The following HHAT variants were observed in gnomAD, a reference collection of about 807,000 sequenced individuals.
HHAT encodes protein-cysteine N-palmitoyltransferase HHAT.
HHAT carries 47 observed loss-of-function variants against 70.8 expected under a neutral mutation model. That is an observed-to-expected ratio of 0.66 (90% CI 0.53 to 0.85). The LOEUF (loss-of-function observed/expected upper bound fraction) is 0.85, where lower values mean the gene tolerates loss of function less well. Ranked by LOEUF, HHAT falls within the 40% of genes least tolerant of loss-of-function variation. The pLI, the probability that HHAT is intolerant of heterozygous loss-of-function variation, is 0.00. For missense variants in HHAT, 609 were observed against 604.8 expected, an observed-to-expected ratio of 1.01 and a Z score of -0.07; for synonymous variants, 228 against 247.6, an observed-to-expected ratio of 0.92 and a Z score of 0.74.
intron 3 of HHAT, 30 bp from the exon 4 acceptor site, chr1:210,387,438 C>T (rs767654034): frequency 8.8e-5 from 138 of 1,560,848 alleles, no homozygotes; most frequent in Non-Finnish European, 1.1e-4. Flanking sequence ...GTACTGAAAT[C>T]CCTCTGATAA....
At chr1:210,577,464 A>C (rs1160281613) in intron 9 of HHAT, among the ~76,000 whole-genome samples, 1 of 152,056 alleles carries the variant, frequency 6.6e-6, no homozygotes, top group Non-Finnish European at 1.5e-5. Flanking sequence ...TCATTCTGTT[A>C]ATGTGATGTA....
At position 210,674,356 on chromosome 1, in the gene HHAT, G is replaced by T; in HGVS notation, c.1459G>T (p.Ala487Ser). ...CTACTCCCACGTGGGCATTGCCTGG[G>T]CCCAGACCTACGCCACGGACTAATG... is the stretch of plus-strand genomic sequence containing the variant. ...YCYSHVGIAWAQTYATD is the reference protein window; with the variant it reads ...YCYSHVGIAWSQTYATD Residue 487 changes from alanine to serine, a missense_variant, in exon 12 of 12, where the codon GCC becomes TCC. Coordinates refer to ENST00000261458, the MANE Select transcript of HHAT (RefSeq NM_018194.6). The T allele has an allele frequency of 1.2e-6, 2 of 1,614,102 alleles. No homozygotes were observed. The highest frequency in any genetic ancestry group is 1.7e-6 in the Non-Finnish European group (2 of 1,180,000).
intron 9 of HHAT, among the ~76,000 whole-genome samples, chr1:210,554,997 G>A (rs1347329967): frequency 6.6e-6 from 1 of 152,188 alleles, no homozygotes; most frequent in African/African-American, 2.4e-5. Flanking sequence ...CCAGAAGCAA[G>A]AGGCTGTATA....
intron 9 of HHAT, among the ~76,000 whole-genome samples, chr1:210,579,758 T>A (rs1398967914): frequency 6.6e-6 from 1 of 152,178 alleles, no homozygotes; most frequent in Non-Finnish European, 1.5e-5. Flanking sequence ...TGTTGCTGCT[T>A]GGGCTGTTTT....
chr1:210,493,749 C>A (rs1031453503), intron 8 of HHAT, among the ~76,000 whole-genome samples: 3 of 152,082 alleles, frequency 2.0e-5, no homozygotes, highest in South Asian at 2.1e-4. Flanking sequence ...CGTCTCAAGG[C>A]GGCCCATTTG....
chr1:210,627,813 C>T (rs1670113876), intron 11 of HHAT, among the ~76,000 whole-genome samples: 2 of 152,152 alleles, frequency 1.3e-5, no homozygotes, highest in Admixed American at 1.3e-4. Flanking sequence ...CTAGGGCTCA[C>T]AAACTTTATT....
At chr1:210,529,873 T>C (rs1005685915) in intron 9 of HHAT, among the ~76,000 whole-genome samples, 2 of 152,224 alleles carry the variant, frequency 1.3e-5, no homozygotes, top group Non-Finnish European at 2.9e-5. Flanking sequence ...TCAGGTATTC[T>C]GTGAGTACAT....
chr1:210,648,396 C>T (rs549966560), intron 11 of HHAT, among the ~76,000 whole-genome samples: 7 of 152,274 alleles, frequency 4.6e-5, no homozygotes, highest in South Asian at 4.1e-4. Flanking sequence ...GTTCAGCTGA[C>T]GGAGACTTGA....
At chr1:210,620,179 C>G (rs182760936) in intron 10 of HHAT, among the ~76,000 whole-genome samples, 5 of 152,278 alleles carry the variant, frequency 3.3e-5, no homozygotes, top group Admixed American at 2.0e-4. Flanking sequence ...CCCTGTGGCC[C>G]TAGAGATTCC....
intron 8 of HHAT, among the ~76,000 whole-genome samples, chr1:210,509,841 A>G (rs925972931): frequency 6.6e-6 from 1 of 152,202 alleles, no homozygotes; most frequent in African/African-American, 2.4e-5. Context: ...CATATCTTGT[A>G]GTCATTGCAA....
intron 7 of HHAT, among the ~76,000 whole-genome samples, chr1:210,431,712 G>A (rs188206378): frequency 2.0e-5 from 3 of 151,844 alleles, no homozygotes; most frequent in African/African-American, 7.3e-5. Context: ...GTTGTAACCA[G>A]GAATTTCTTC....
intron 9 of HHAT, among the ~76,000 whole-genome samples, chr1:210,587,522 T>A (rs934315441): frequency 1.1e-4 from 16 of 152,206 alleles, no homozygotes; most frequent in African/African-American, 3.4e-4. Context: ...CCATATCACC[T>A]GCCTTGAAGG....
rs552157363 is a variant in HHAT, at chr1:210,428,639, A to C, written c.856+10314A>C. Among the ~76,000 whole-genome samples the C allele has an allele frequency of 2.6e-4, 39 of 151,566 alleles. 2 individuals are homozygous for C. The highest frequency in any genetic ancestry group is 7.8e-4 in the African/African-American group (32 of 41,006). ...GGCTTCTTATAATGTCATTTAGCAT[A>C]TTCCTTTATCCCTTCTGTTTCTTAT... On this transcript the variant is annotated intron_variant, in intron 7 of 11. Coordinates refer to ENST00000261458, the MANE Select transcript of HHAT (RefSeq NM_018194.6).
intron 6 of HHAT, among the ~76,000 whole-genome samples, chr1:210,410,462 A>G (rs1286120227): frequency 1.4e-5 from 2 of 147,330 alleles, no homozygotes; most frequent in Non-Finnish European, 3.0e-5. Context: ...TTTTTTTTTA[A>G]GTAAAAGCAA....
chr1:210,667,831 A>G (rs770067069), intron 11 of HHAT, among the ~76,000 whole-genome samples: 1 of 152,226 alleles, frequency 6.6e-6, no homozygotes, highest in Non-Finnish European at 1.5e-5. Flanking sequence ...TAAATTACAC[A>G]AAACATAAAA....
At chr1:210,517,623 A>G (rs970923085) in intron 9 of HHAT, among the ~76,000 whole-genome samples, 4 of 152,216 alleles carry the variant, frequency 2.6e-5, no homozygotes, top group African/African-American at 4.8e-5. Flanking sequence ...CAAGAGCTCT[A>G]TTGTATCATA....
At chr1:210,328,884 C>CGGGCGCGGA (rs1290078315), upstream of HHAT, 2 of 606,514 alleles carry the variant, frequency 3.3e-6, no homozygotes, top group Non-Finnish European at 4.8e-6. Context: ...TTCCCGAGTC[C>CGGGCGCGGA]GGGCGCGGAG....
At chr1:210,467,119 A>G (rs1005182072) in intron 8 of HHAT, among the ~76,000 whole-genome samples, 1 of 152,046 alleles carries the variant, frequency 6.6e-6, no homozygotes, top group African/African-American at 2.4e-5. Flanking sequence ...TAGGTTTTCC[A>G]CTCCACATTT....
At chr1:210,486,230 G>T (rs1033964441) in intron 8 of HHAT, among the ~76,000 whole-genome samples, 1 of 152,022 alleles carries the variant, frequency 6.6e-6, no homozygotes, top group Non-Finnish European at 1.5e-5. Context: ...TAATATATTT[G>T]CTAGCTATAA....
Sources: gnomAD v4.1 joint callset for allele counts (sites outside exome capture counted in the v4.1 genomes callset) on GRCh38, gnomAD v4.1.1 for gene constraint, MANE v1.5 for transcripts, NCBI Gene and HGNC (gene_info 2026-07-23, HGNC 2026-07-21) for gene names.